Variants in FHIT observed in about 807,000 individuals in gnomAD.
FHIT encodes the protein fragile histidine triad diadenosine triphosphatase.
A neutral mutation model predicts 17.9 loss-of-function variants in FHIT; 19 were observed. The observed-to-expected ratio is 1.06, with a 90% CI of 0.74 to 1.56. FHIT has a LOEUF of 1.56. Among genes scored for constraint, FHIT ranks in the 40% most tolerant of loss-of-function variants. The pLI, the probability that FHIT is intolerant of heterozygous loss-of-function variation, is 0.00. For synonymous variants in FHIT, 81 were observed against 69.7 expected, an observed-to-expected ratio of 1.16 and a Z score of -0.81; for missense variants, 248 against 189.2, an observed-to-expected ratio of 1.31 and a Z score of -1.82.
chr3:60,048,395 C>G (rs987112496), intron 5 of FHIT, among the ~76,000 whole-genome samples: 2 of 150,964 alleles, frequency 1.3e-5, no homozygotes, highest in African/African-American at 5.0e-5. Context: ...CCAGGATGGG[C>G]TCGATCTCCT....
Position 59,922,434 on chromosome 3 carries a change from A to G in FHIT, c.280-20T>C, listed in dbSNP as rs773335052. 1.3e-6 allele frequency: 2 copies of G among 1,594,402 alleles called. No homozygotes were observed. Among genetic ancestry groups the G allele is most frequent in the Non-Finnish European group, 1.7e-6 (2 of 1,165,006 alleles). On this transcript the variant is annotated intron_variant, in intron 7 of 9. Transcript: ENST00000492590. ...AACGTGCTGAAAATGTACAAGAAAG[A>G]AAAAAAATGTGATTATCTCCCCATG... is the stretch of plus-strand genomic sequence containing the variant.
At chr3:60,703,854 T>C (rs1460172576) in intron 4 of FHIT, among the ~76,000 whole-genome samples, 2 of 152,176 alleles carry the variant, frequency 1.3e-5, no homozygotes, top group Admixed American at 1.3e-4. Context: ...TGTTTAATAA[T>C]TTTCCACTTT....
chr3:60,534,561 G>C (rs2035914842), intron 5 of FHIT, among the ~76,000 whole-genome samples: 1 of 151,540 alleles, frequency 6.6e-6, no homozygotes, highest in African/African-American at 2.4e-5. Context: ...TGAATACACT[G>C]TCTACTGGCC....
At chr3:60,485,774 TA>T (rs939389523) in intron 5 of FHIT, among the ~76,000 whole-genome samples, 1 of 152,060 alleles carries the variant, frequency 6.6e-6, no homozygotes, top group African/African-American at 2.4e-5. Flanking sequence ...GAATCTAAAG[TA>T]AAATTTTTTT....
chr3:60,945,434 C>A lies in FHIT; in HGVS notation c.-111+96613G>T, dbSNP rs201039353. Among the ~76,000 whole-genome samples the A allele has an allele frequency of 9.2e-5, 14 of 152,118 alleles. No homozygotes were observed. The East Asian group carries it at 2.7e-3, about 29-fold the overall frequency. On this transcript the variant is annotated intron_variant, in intron 3 of 9. Coordinates refer to ENST00000492590, the MANE Select transcript of FHIT (RefSeq NM_002012.4). Reference sequence around the variant, plus strand: ...CTTTGATAGAGTCTCGCTCTGTCACCCACACTGGAGTGCAGTGGTACAATC... The same window carrying A: ...CTTTGATAGAGTCTCGCTCTGTCACACACACTGGAGTGCAGTGGTACAATC...
At chr3:60,654,424 C>A (rs2855998) in intron 4 of FHIT, among the ~76,000 whole-genome samples, 121,307 of 152,018 alleles carry the variant, frequency 0.8, 48,522 homozygotes, top group East Asian at 0.88. Context: ...TCTACAGAGC[C>A]ACCTGTCCAA....
chr3:59,921,676 C>A (rs1388495947), intron 8 of FHIT, among the ~76,000 whole-genome samples: 10 of 141,284 alleles, frequency 7.1e-5, no homozygotes, highest in Admixed American at 2.2e-4. Flanking sequence ...ACAGCCTGAT[C>A]CATGACAGGC....
intron 1 of FHIT, among the ~76,000 whole-genome samples, chr3:61,233,135 A>G (rs1426264356): frequency 6.6e-6 from 1 of 152,198 alleles, no homozygotes; most frequent in Admixed American, 6.6e-5. Context: ...ACACATTTGG[A>G]GAGGGCAATT....
chr3:60,852,413 T>G (rs1311988849), intron 3 of FHIT, among the ~76,000 whole-genome samples: 1 of 152,122 alleles, frequency 6.6e-6, no homozygotes, highest in Non-Finnish European at 1.5e-5. Flanking sequence ...TCCTACTGAT[T>G]CTGTTTCTCT....
chr3:60,095,454 G>A (rs940240744), intron 5 of FHIT, among the ~76,000 whole-genome samples: 3 of 152,074 alleles, frequency 2.0e-5, no homozygotes, highest in Non-Finnish European at 2.9e-5. Context: ...CTTAAAATGC[G>A]ACTAAATATA....
In FHIT at chr3:60,128,312, G is replaced by C. The variant is rs1430326187; in HGVS notation, c.104-114160C>G. ...CCTCATGCTATTCTTGTGATAGTAA[G>C]TTCTCACAAGACCTCATGTTTTAAG... On this transcript the variant is annotated intron_variant, in intron 5 of 9. Coordinates refer to ENST00000492590, the MANE Select transcript of FHIT (RefSeq NM_002012.4). Among the ~76,000 whole-genome samples the C allele has an allele frequency of 3.3e-5, 5 of 152,102 alleles. No individual in the cohort carries two copies. In the East Asian group the frequency reaches 9.6e-4, roughly 29 times the overall value.
At chr3:61,138,584 G>T (rs11130818) in intron 2 of FHIT, among the ~76,000 whole-genome samples, 41,404 of 152,100 alleles carry the variant, frequency 0.27, 5,992 homozygotes, top group East Asian at 0.45. Flanking sequence ...TGATGGTGGC[G>T]CTGACAAAAA....
At chr3:61,033,416 G>GA (rs535212958) in intron 3 of FHIT, among the ~76,000 whole-genome samples, 3 of 151,948 alleles carry the variant, frequency 2.0e-5, no homozygotes, top group Non-Finnish European at 2.9e-5. Flanking sequence ...GACTGAGTAG[G>GA]AAAAAAACTG....
rs547537458 is a variant in FHIT at position 60,044,366 on chromosome 3, A to T, written c.104-30214T>A. On this transcript the variant is annotated intron_variant, in intron 5 of 9. Coordinates refer to ENST00000492590, the MANE Select transcript of FHIT (RefSeq NM_002012.4). Reference sequence around the variant, plus strand: ...CAACGTCTTCAAACTTCTAAGTAGAACAGAGCACTCCCAAAGCATGCAGAA... The same window carrying T: ...CAACGTCTTCAAACTTCTAAGTAGATCAGAGCACTCCCAAAGCATGCAGAA... Among the ~76,000 whole-genome samples, 5 of 152,296 alleles carry T rather than the reference A, an allele frequency of 3.3e-5. No homozygotes were observed. In the South Asian group the frequency reaches 6.2e-4, roughly 19 times the overall value.
chr3:60,124,616 A>C (rs1705457688), intron 5 of FHIT, among the ~76,000 whole-genome samples: 2 of 152,170 alleles, frequency 1.3e-5, no homozygotes, highest in South Asian at 4.2e-4. Flanking sequence ...CTTTAATCAA[A>C]GTGTCATCTA....
Position 61,083,898 on chromosome 3 carries a change from T to C in FHIT, c.-163-41799A>G, listed in dbSNP as rs116019915. 3.4e-3 allele frequency among the ~76,000 whole-genome samples: 522 copies of C among 152,256 alleles called. 3 individuals carry two copies. The highest frequency in any genetic ancestry group is 5.7e-3 in the Non-Finnish European group (386 of 68,034). Reference sequence around the variant, plus strand: ...GGATATACCACATTTATTTATCCATTCATCAGTTGATGGTCATTTGGGTTG... The same window carrying C: ...GGATATACCACATTTATTTATCCATCCATCAGTTGATGGTCATTTGGGTTG... On this transcript the variant is annotated intron_variant, in intron 2 of 9. Coordinates refer to ENST00000492590, the MANE Select transcript of FHIT (RefSeq NM_002012.4).
chr3:60,503,581 A>G (rs2034608451), intron 5 of FHIT, among the ~76,000 whole-genome samples: 1 of 152,160 alleles, frequency 6.6e-6, no homozygotes, highest in Admixed American at 6.6e-5. Context: ...TCTAATAGTG[A>G]AAGTTATGAA....
intron 5 of FHIT, among the ~76,000 whole-genome samples, chr3:60,353,803 G>C (rs960424539): frequency 1.3e-5 from 2 of 152,062 alleles, no homozygotes; most frequent in Non-Finnish European, 2.9e-5. Context: ...AAATGAGACA[G>C]ACACACTTTC....
intron 5 of FHIT, among the ~76,000 whole-genome samples, chr3:60,331,146 G>C (rs1254225053): frequency 6.6e-6 from 1 of 152,074 alleles, no homozygotes; most frequent in Non-Finnish European, 1.5e-5. Context: ...AGACACTCTG[G>C]ATTTCATGAA....
Sources: allele counts gnomAD v4.1 joint callset (sites outside exome capture counted in the v4.1 genomes callset), GRCh38; gene constraint gnomAD v4.1.1; transcripts MANE v1.5; gene names NCBI Gene and HGNC (gene_info 2026-07-23, HGNC 2026-07-21).